Variants in TAP2 observed in about 807,000 individuals in gnomAD.
The protein encoded by TAP2 is antigen peptide transporter 2.
A neutral mutation model predicts 74.7 loss-of-function variants in TAP2; 49 were observed. The ratio of observed to expected loss-of-function variants is 0.66; its 90% CI spans 0.52 to 0.83. TAP2 has a LOEUF of 0.83. TAP2 is among the 40% of genes least tolerant of loss of function. The pLI is 0.00. For missense variants in TAP2, 739 were observed against 859.0 expected (o/e 0.86, Z 1.75); for synonymous variants, 306 against 368.4 (o/e 0.83, Z 1.94).
At chr6:32,824,960 T>C (rs957690166), downstream of TAP2, among the ~76,000 whole-genome samples, 1 of 152,196 alleles carries the variant, frequency 6.6e-6, no homozygotes, top group Non-Finnish European at 1.5e-5. Flanking sequence ...TTTGTTATTG[T>C]TGTTTGTGTG....
Position 32,835,801 on chromosome 6 carries a change from GGA to G in TAP2, c.609-30_609-29del. 1.2e-6 allele frequency: 2 copies of G among 1,613,070 alleles called. No homozygotes were observed. Among genetic ancestry groups the G allele is most frequent in the Non-Finnish European group, 1.7e-6 (2 of 1,179,926 alleles). ...GTGGGGTAGGAGAATAAGAGGGGAGGGAGATGCAGAGAAGGAGCAAGCCAGCG... is the reference window on the plus strand; with the variant it reads ...GTGGGGTAGGAGAATAAGAGGGGAGGGATGCAGAGAAGGAGCAAGCCAGCG... On this transcript the variant is annotated intron_variant, in intron 3 of 11. Coordinates refer to ENST00000374897, the MANE Select transcript of TAP2 (RefSeq NM_001290043.2). The surrounding 1 kb of genome is among the most constrained non-coding windows in gnomAD (Gnocchi z 4.0).
Position 32,828,695 on chromosome 6 carries a change from C to CCCCCCAAAA in TAP2, c.*210_*211insTTTTGGGGG. ...AGACAGCCCCCACCCCACCCCACCC[C>CCCCCCAAAA]ACCTCTCTACCCCACCAAAAGCACA... On this transcript the variant is annotated 3_prime_UTR_variant, in exon 12 of 12. Coordinates refer to ENST00000374897, the MANE Select transcript of TAP2 (RefSeq NM_001290043.2). The CCCCCCAAAA allele has an allele frequency of 9.8e-7, 1 of 1,022,242 alleles. No individual in the cohort carries two copies. The highest frequency in any genetic ancestry group is 1.2e-6 in the Non-Finnish European group (1 of 847,944). The allele number at this position is 1,022,242 out of a possible 1,614,324, so 63.3% of individuals were successfully genotyped here.
In TAP2 at chr6:32,825,980, T is replaced by TTAG. The variant is rs202058968; in HGVS notation, c.*2923_*2925dup. On this transcript the variant is annotated 3_prime_UTR_variant, in exon 12 of 12. Coordinates refer to ENST00000374897, the MANE Select transcript of TAP2 (RefSeq NM_001290043.2). Reference sequence around the variant, plus strand: ...GCACATAGTAAGCACCAGTGAATGCTTAGTAGTAGTAGTAGTCTAATTCCT... The same window carrying TTAG: ...GCACATAGTAAGCACCAGTGAATGCTTAGTAGTAGTAGTAGTAGTCTAATTCCT... The TTAG allele has an allele frequency of 5.9e-5, 58 of 981,980 alleles. No homozygotes were observed. In the East Asian group the frequency reaches 5.2e-3, roughly 88 times the overall value. 60.8% of individuals were successfully genotyped at this position (981,980 alleles called of 1,614,324 possible). A position where few individuals can be genotyped will look rare whatever the true frequency, so the allele number is the denominator to read the frequency against.
downstream of TAP2, among the ~76,000 whole-genome samples, chr6:32,823,356 C>T (rs1768427506): frequency 6.6e-6 from 1 of 150,788 alleles, no homozygotes; most frequent in Non-Finnish European, 1.5e-5. Flanking sequence ...GTATTTAGAA[C>T]TTAAACACAT....
downstream of TAP2, chr6:32,822,097 C>A (rs1768317935): frequency 5.2e-6 from 3 of 577,128 alleles, no homozygotes; most frequent in Non-Finnish European, 6.2e-6. Context: ...CTCCAATCTG[C>A]AGCCACTTCT....
rs1481865511 is a variant in TAP2 at position 32,835,650 on chromosome 6, A to C, written c.732T>G (p.Thr244=). ...CTGGACTCCAGGCCCCACCTGTCTT[A>C]GTCTCCTGGAAGAAACCGAGGTCCT... The part of the protein sequence containing the change: ...LRQDLGFFQE[T]KTGELNSRLS... The change falls in exon 4 of 12, where the codon ACT becomes ACG. Residue 244 remains threonine, a synonymous_variant. Coordinates refer to ENST00000374897, the MANE Select transcript of TAP2 (RefSeq NM_001290043.2). The surrounding 1 kb of genome is among the most constrained non-coding windows in gnomAD (Gnocchi z 4.0). 2.5e-6 allele frequency: 4 copies of C among 1,612,996 alleles called. No individual in the cohort carries two copies. In the East Asian group the frequency reaches 8.9e-5, roughly 36 times the overall value.
chr6:32,826,061 G>A lies in TAP2; in HGVS notation c.*2845C>T, dbSNP rs2127346776. Reference sequence around the variant, plus strand: ...CAGTTTCTTCTGGGACCATTAGATGGCATCAGACTCAAGCAGGTGCTCCTC... The same window carrying A: ...CAGTTTCTTCTGGGACCATTAGATGACATCAGACTCAAGCAGGTGCTCCTC... On this transcript the variant is annotated 3_prime_UTR_variant, in exon 12 of 12. Transcript: ENST00000374897. 2.0e-6 allele frequency: 2 copies of A among 985,364 alleles called. No homozygotes were observed. Among genetic ancestry groups the A allele is most frequent in the South Asian group, 9.4e-5 (2 of 21,282 alleles). The allele number at this position is 985,364 out of a possible 1,614,324, so 61.0% of individuals were successfully genotyped here. A position where few individuals can be genotyped will look rare whatever the true frequency, so the allele number is the denominator to read the frequency against.
At chr6:32,822,724 G>GT, downstream of TAP2, among the ~76,000 whole-genome samples, 1 of 152,010 alleles carries the variant, frequency 6.6e-6, no homozygotes, top group Non-Finnish European at 1.5e-5. Context: ...GTAGAGACGG[G>GT]TTTTCGCTGT....
chr6:32,823,429 A>ATTTTTTTTTTTTTTT (rs9280195), downstream of TAP2, among the ~76,000 whole-genome samples: 2 of 64,576 alleles, frequency 3.1e-5, no homozygotes, highest in Non-Finnish European at 5.4e-5. Context: ...GTCACACTCA[A>ATTTTTTTTTTTTTTT]TTTTTTTTTT....
chr6:32,829,918 T>G lies in TAP2; in HGVS notation c.1795+12A>C. 8 of 1,613,062 alleles carry G rather than the reference T, an allele frequency of 5.0e-6. No homozygotes were observed. Among genetic ancestry groups the G allele is most frequent in the Non-Finnish European group, 6.8e-6 (8 of 1,179,996 alleles). ...TTACTGAAGGAGCAAGCTTACAATT[T>G]GTAGAAGATACCTGTGTATATTCCA... On this transcript the variant is annotated intron_variant, in intron 10 of 11. Transcript: ENST00000374897.
At chr6:32,831,884 T>C (rs1769103056) in intron 7 of TAP2, among the ~76,000 whole-genome samples, 1 of 152,226 alleles carries the variant, frequency 6.6e-6, no homozygotes, top group Non-Finnish European at 1.5e-5. Flanking sequence ...ATATACTACA[T>C]GGATACCACA....
chr6:32,832,545 G>C lies in TAP2; in HGVS notation c.1143+82C>G, dbSNP rs1769155281. 3 of 1,611,716 alleles carry C rather than the reference G, an allele frequency of 1.9e-6. No individual in the cohort carries two copies. Among genetic ancestry groups the C allele is most frequent in the African/African-American group, 2.7e-5 (2 of 74,986 alleles). On this transcript the variant is annotated intron_variant, in intron 6 of 11. Coordinates refer to ENST00000374897, the MANE Select transcript of TAP2 (RefSeq NM_001290043.2). The surrounding 1 kb of genome is among the most constrained non-coding windows in gnomAD (Gnocchi z 5.9). ...GCCTCTATGAGACTGAGCTGCAAAGGCCTCTAGAACCAGCTGTAGTTTCCT... is the reference window on the plus strand; with the variant it reads ...GCCTCTATGAGACTGAGCTGCAAAGCCCTCTAGAACCAGCTGTAGTTTCCT...
rs1257286078 is a variant in TAP2, at chr6:32,838,676, C to T, written c.-28G>A. The T allele has an allele frequency of 1.8e-5, 3 of 169,550 alleles. No individual in the cohort carries two copies. Among genetic ancestry groups the T allele is most frequent in the Non-Finnish European group, 2.5e-5 (2 of 80,100 alleles). The allele number at this position is 169,550 out of a possible 1,614,324, so 10.5% of individuals were successfully genotyped here. ...ACCAGCCGCGGCGGGGAGACCGCAG[C>T]TCCGGGGACTTCTGCTTCAGCGCTG... On this transcript the variant is annotated 5_prime_UTR_variant, in exon 1 of 12. Coordinates refer to ENST00000374897, the MANE Select transcript of TAP2 (RefSeq NM_001290043.2).
chr6:32,837,686 C>T, intron 2 of TAP2, 35 bp from the exon 3 acceptor site: 1 of 1,614,154 alleles, frequency 6.2e-7, no homozygotes, highest in South Asian at 1.1e-5. Context: ...CAAGAATGTG[C>T]TGGTGCCCAG....
In TAP2 at chr6:32,830,455, A is replaced by C. The variant is rs747771064; in HGVS notation, c.1462-15T>G. On this transcript the variant is annotated splice_polypyrimidine_tract_variant and intron_variant, in intron 8 of 11. Coordinates refer to ENST00000374897, the MANE Select transcript of TAP2 (RefSeq NM_001290043.2). The stretch of plus-strand genomic sequence containing the variant: ...AACGTCAGCCCCTAGAAAACCAGAA[A>C]AAGAGTTAAGGGCCTGCCCCTTCTC... 4 of 1,609,218 alleles carry C rather than the reference A, an allele frequency of 2.5e-6. No individual in the cohort carries two copies. In the Admixed American group the frequency reaches 6.8e-5, roughly 27 times the overall value.
Position 32,832,524 on chromosome 6 carries a change from C to T in TAP2, c.1144-63G>A, listed in dbSNP as rs574403174. 5.0e-6 allele frequency: 8 copies of T among 1,611,390 alleles called. No individual in the cohort carries two copies. The East Asian group carries it at 1.8e-4, about 36-fold the overall frequency. Reference sequence around the variant, plus strand: ...TCCCATTCTTTCCCCCTCTCTGCCTCTATGAGACTGAGCTGCAAAGGCCTC... The same window carrying T: ...TCCCATTCTTTCCCCCTCTCTGCCTTTATGAGACTGAGCTGCAAAGGCCTC... On this transcript the variant is annotated intron_variant, in intron 6 of 11. Transcript: ENST00000374897. This position sits in a 1 kb window ranked among gnomAD's most constrained non-coding sequence, Gnocchi z 5.9.
At position 32,829,101 on chromosome 6, in the gene TAP2, C is replaced by T. The variant is rs1208360832; in HGVS notation, c.1933-67G>A. On this transcript the variant is annotated intron_variant, in intron 11 of 11. Transcript: ENST00000374897. ...ATGGACACCACATCCACCTGGGCAC[C>T]ATCTCTTATGATTTAGGGTAAAGAA... 85 of 1,517,510 alleles carry T rather than the reference C, an allele frequency of 5.6e-5. 2 individuals are homozygous for T. The Admixed American group carries it at 1.6e-3, about 29-fold the overall frequency. 94.0% of individuals were successfully genotyped at this position (1,517,510 alleles called of 1,614,324 possible). A position where few individuals can be genotyped will look rare whatever the true frequency, so the allele number is the denominator to read the frequency against.
chr6:32,822,256 A>T, downstream of TAP2: 1 of 1,494,242 alleles, frequency 6.7e-7, no homozygotes, highest in Admixed American at 1.8e-5. Context: ...CGTTCATTTG[A>T]ACTCATTATT....
At chr6:32,823,737 A>C (rs941004048), downstream of TAP2, among the ~76,000 whole-genome samples, 10 of 152,082 alleles carry the variant, frequency 6.6e-5, no homozygotes, top group Admixed American at 5.9e-4. Flanking sequence ...CAGAGATATT[A>C]ACTTCTGTTA....
Sources: allele counts gnomAD v4.1 joint callset (sites outside exome capture counted in the v4.1 genomes callset), GRCh38; gene constraint gnomAD v4.1.1; non-coding constraint Gnocchi (gnomAD v3.1); transcripts MANE v1.5; gene names NCBI Gene and HGNC (gene_info 2026-07-23, HGNC 2026-07-21).